RBFOX1: variants seen among roughly 807,000 people sequenced by gnomAD.
RBFOX1 encodes the protein RNA binding protein fox-1 homolog 1.
In RBFOX1, 8 loss-of-function variants were observed where a neutral mutation model predicts 57.7. The ratio of observed to expected loss-of-function variants is 0.14; its 90% CI spans 0.08 to 0.25. RBFOX1 has a LOEUF of 0.25. RBFOX1 is among the 10% of genes least tolerant of loss of function. The pLI is 1.00. For synonymous variants in RBFOX1, 326 were observed against 222.4 expected (o/e 1.47, Z -4.15); for missense variants, 611 against 548.5 (o/e 1.11, Z -1.14).
At chr16:7,518,625 T>A (rs772219984) in intron 5 of RBFOX1, among the ~76,000 whole-genome samples, 3 of 152,232 alleles carry the variant, frequency 2.0e-5, no homozygotes, top group Non-Finnish European at 4.4e-5. Flanking sequence ...AAGGGGCACA[T>A]TTATCAATTT....
chr16:5,881,640 G>A (rs559973181), intron 4 of RBFOX1, among the ~76,000 whole-genome samples: 36 of 152,068 alleles, frequency 2.4e-4, no homozygotes, highest in East Asian at 3.9e-4. Flanking sequence ...AAATTGTACC[G>A]CTGCACTCCA....
chr16:5,706,266 T>C (rs1041926089), intron 3 of RBFOX1, among the ~76,000 whole-genome samples: 1 of 152,170 alleles, frequency 6.6e-6, no homozygotes, highest in East Asian at 1.9e-4. Flanking sequence ...GTTACGAAAA[T>C]GTGTACAGGT....
chr16:5,905,462 A>G (rs1466547767), intron 4 of RBFOX1, among the ~76,000 whole-genome samples: 2 of 152,170 alleles, frequency 1.3e-5, no homozygotes, highest in Non-Finnish European at 2.9e-5. Flanking sequence ...CTGTAATCCC[A>G]GCATTTTGGG....
chr16:5,341,726 C>A (rs2065037190), intron 1 of RBFOX1, among the ~76,000 whole-genome samples: 1 of 152,136 alleles, frequency 6.6e-6, no homozygotes, highest in African/African-American at 2.4e-5. Context: ...ATACAGCTGG[C>A]CTTGACCGAG....
At chr16:6,299,886 C>T (rs566291410) in intron 1 of RBFOX1, among the ~76,000 whole-genome samples, 1 of 152,104 alleles carries the variant, frequency 6.6e-6, no homozygotes, top group Non-Finnish European at 1.5e-5. Context: ...AAGCCCACAC[C>T]CTCGTTTTAA....
At chr16:5,954,528 T>G (rs1218372866) in intron 4 of RBFOX1, among the ~76,000 whole-genome samples, 1 of 152,134 alleles carries the variant, frequency 6.6e-6, no homozygotes, top group Non-Finnish European at 1.5e-5. Context: ...AGTCTTCCAT[T>G]ATTAAAAGTG....
At chr16:5,823,478 C>T (rs1470507909) in intron 3 of RBFOX1, among the ~76,000 whole-genome samples, 1 of 152,180 alleles carries the variant, frequency 6.6e-6, no homozygotes, top group African/African-American at 2.4e-5. Flanking sequence ...AGGCACTGCC[C>T]TCTATGGCTG....
intron 14 of RBFOX1, among the ~76,000 whole-genome samples, chr16:7,697,852 G>A (rs117711220): frequency 0.016 from 2,449 of 152,268 alleles, 33 homozygotes; most frequent in Non-Finnish European, 0.023. Context: ...TTACTATTTG[G>A]AAGAGACCCA....
intron 3 of RBFOX1, among the ~76,000 whole-genome samples, chr16:6,798,903 A>G (rs1009261281): frequency 2.6e-5 from 4 of 152,144 alleles, no homozygotes; most frequent in African/African-American, 9.7e-5. Flanking sequence ...GGTTTAGAGA[A>G]AAAAAATGAA....
At chr16:6,555,949 ATTCT>A (rs965527874) in intron 2 of RBFOX1, among the ~76,000 whole-genome samples, 1 of 152,128 alleles carries the variant, frequency 6.6e-6, no homozygotes, top group Non-Finnish European at 1.5e-5. Flanking sequence ...GATCGACTCT[ATTCT>A]GGCATTATTG....
At chr16:7,437,078 C>T (rs756733603) in intron 4 of RBFOX1, among the ~76,000 whole-genome samples, 2 of 152,100 alleles carry the variant, frequency 1.3e-5, no homozygotes, top group African/African-American at 4.8e-5. Flanking sequence ...GAGACTCTGT[C>T]TCAAAAAATC....
At chr16:5,916,217 A>T (rs1028018974) in intron 4 of RBFOX1, among the ~76,000 whole-genome samples, 1 of 152,170 alleles carries the variant, frequency 6.6e-6, no homozygotes, top group Admixed American at 6.5e-5. Flanking sequence ...AGATGAAAGG[A>T]TGATTTCTTC....
intron 2 of RBFOX1, among the ~76,000 whole-genome samples, chr16:6,424,163 C>G (rs746813632): frequency 1.3e-5 from 2 of 152,110 alleles, no homozygotes; most frequent in Admixed American, 6.5e-5. Context: ...CACTTGAACC[C>G]AGGAGGCAGA....
intron 1 of RBFOX1, among the ~76,000 whole-genome samples, chr16:6,141,984 G>T (rs866876993): frequency 2.0e-5 from 3 of 151,660 alleles, no homozygotes; most frequent in African/African-American, 7.3e-5. Context: ...GTTTCAACCT[G>T]GGAGGTGGAG....
At chr16:5,306,726 C>T (rs528775712) in intron 1 of RBFOX1, among the ~76,000 whole-genome samples, 3 of 152,312 alleles carry the variant, frequency 2.0e-5, no homozygotes, top group African/African-American at 7.2e-5. Flanking sequence ...TGCTGCCCTG[C>T]CCTCCATCAC....
intron 1 of RBFOX1, among the ~76,000 whole-genome samples, chr16:6,146,247 G>A (rs1368418387): frequency 6.6e-6 from 1 of 152,190 alleles, no homozygotes; most frequent in African/African-American, 2.4e-5. Flanking sequence ...CTTCTTGGGT[G>A]CTCACAGCAG....
chr16:6,862,435 T>C (rs2059181803), intron 3 of RBFOX1, among the ~76,000 whole-genome samples: 1 of 152,176 alleles, frequency 6.6e-6, no homozygotes, highest in South Asian at 2.1e-4. Flanking sequence ...CATTCGGTGC[T>C]ATGGGGATGC....
At chr16:7,492,840 T>A (rs2067361816) in intron 4 of RBFOX1, among the ~76,000 whole-genome samples, 1 of 151,966 alleles carries the variant, frequency 6.6e-6, no homozygotes, top group Non-Finnish European at 1.5e-5. Flanking sequence ...GAGTAAAAGC[T>A]CCCTGAGACC....
chr16:5,418,283 G>A (rs1313367782), intron 1 of RBFOX1, among the ~76,000 whole-genome samples: 1 of 151,888 alleles, frequency 6.6e-6, no homozygotes, highest in African/African-American at 2.4e-5. Context: ...TGGCAAGGCA[G>A]CTGGGGATAG....
Sources: allele counts gnomAD v4.1 joint callset (sites outside exome capture counted in the v4.1 genomes callset), GRCh38; gene constraint gnomAD v4.1.1; transcripts MANE v1.5; gene names NCBI Gene and HGNC (gene_info 2026-07-23, HGNC 2026-07-21).